The following ZC3H13 variants were observed in gnomAD, a reference collection of about 807,000 sequenced individuals.
ZC3H13 encodes the protein zinc finger CCCH-type containing 13, also known as zinc finger CCCH domain-containing protein 13.
In ZC3H13, 64 loss-of-function variants were observed where a neutral mutation model predicts 204.1. The ratio of observed to expected loss-of-function variants is 0.31; its 90% CI spans 0.26 to 0.39. The LOEUF (loss-of-function observed/expected upper bound fraction) is 0.39, where lower values mean the gene tolerates loss of function less well. ZC3H13 is among the 10% of genes least tolerant of loss of function. The pLI, the probability that ZC3H13 is intolerant of heterozygous loss-of-function variation, is 1.00. For missense variants in ZC3H13, 1,833 were observed against 2,082.7 expected, an observed-to-expected ratio of 0.88 and a Z score of 2.33; for synonymous variants, 667 against 693.7, an observed-to-expected ratio of 0.96 and a Z score of 0.60.
chr13:46,041,364 T>C (rs1226357404), intron 4 of ZC3H13, among the ~76,000 whole-genome samples: 1 of 152,140 alleles, frequency 6.6e-6, no homozygotes, highest in East Asian at 1.9e-4. Context: ...ATATGAAATA[T>C]ATAGGCAAAT....
chr13:46,002,983 T>C (rs1282186701), intron 8 of ZC3H13, among the ~76,000 whole-genome samples, 156 bp downstream of exon 8: 2 of 152,124 alleles, frequency 1.3e-5, no homozygotes, highest in Admixed American at 6.5e-5. Flanking sequence ...CCATGACTCA[T>C]AATAATAATT....
chr13:46,034,229 A>C (rs937403659), intron 4 of ZC3H13, among the ~76,000 whole-genome samples: 6 of 152,190 alleles, frequency 3.9e-5, no homozygotes, highest in Admixed American at 3.3e-4. Context: ...CACTTCAGAA[A>C]ACTGTTCAGC....
intron 12 of ZC3H13, among the ~76,000 whole-genome samples, chr13:45,974,597 A>G (rs1260897278): frequency 2.0e-5 from 3 of 152,194 alleles, no homozygotes; most frequent in African/African-American, 7.2e-5. Context: ...TCCACAGCAC[A>G]AGAGAAGACA....
At position 45,985,550 on chromosome 13, in the gene ZC3H13, G is replaced by A. The variant is rs764524512; in HGVS notation, c.1467C>T (p.Thr489=). Residue 489 remains threonine, a synonymous_variant, in exon 10 of 19, where the codon ACC becomes ACT. Coordinates refer to ENST00000679008, the MANE Select transcript of ZC3H13 (RefSeq NM_001330564.2). ...AATCTCTGGGATCACGGCTCTCTTT[G>A]GTATCTCTGCTATAATCTCTCATCT... ...SREMRDYSRD[T]KESRDPRDSR... is the part of the protein sequence containing the mutation. 1.5e-5 allele frequency: 25 copies of A among 1,614,020 alleles called. No individual in the cohort carries two copies. In the South Asian group the frequency reaches 2.7e-4, roughly 18 times the overall value.
At chr13:46,032,505 AAGAC>A (rs2042966786) in intron 4 of ZC3H13, among the ~76,000 whole-genome samples, 1 of 152,288 alleles carries the variant, frequency 6.6e-6, no homozygotes, top group East Asian at 1.9e-4. Context: ...AATTGGCAAA[AAGAC>A]AAGTTTGAAA....
At chr13:46,051,527 A>G (rs1206845679) in intron 1 of ZC3H13, among the ~76,000 whole-genome samples, 1 of 152,222 alleles carries the variant, frequency 6.6e-6, no homozygotes, top group Non-Finnish European at 1.5e-5. Context: ...GTAATTTCAA[A>G]TGTTACAGAA....
At chr13:46,017,706 T>C (rs1247046348) in intron 5 of ZC3H13, among the ~76,000 whole-genome samples, 1 of 152,108 alleles carries the variant, frequency 6.6e-6, no homozygotes, top group African/African-American at 2.4e-5. Flanking sequence ...AGAAAGTTTA[T>C]AAATATACCA....
intron 7 of ZC3H13, among the ~76,000 whole-genome samples, chr13:46,005,184 T>A (rs974921777): frequency 1.3e-5 from 2 of 152,208 alleles, no homozygotes; most frequent in Non-Finnish European, 2.9e-5. Context: ...TTTCACTAAA[T>A]CCAGGTATTT....
chr13:45,984,624 A>T (rs146627879), intron 10 of ZC3H13, among the ~76,000 whole-genome samples: 119 of 152,304 alleles, frequency 7.8e-4, no homozygotes, highest in Non-Finnish European at 1.3e-3. Context: ...ACAAATATGA[A>T]GCTGTAATAC....
chr13:46,014,378 G>A (rs1047339023), intron 5 of ZC3H13, among the ~76,000 whole-genome samples: 8 of 151,706 alleles, frequency 5.3e-5, no homozygotes, highest in Non-Finnish European at 8.8e-5. Context: ...AACAGGCCCT[G>A]GTGTGTGATG....
At chr13:45,999,522 G>T (rs1396758613) in intron 8 of ZC3H13, among the ~76,000 whole-genome samples, 1 of 152,186 alleles carries the variant, frequency 6.6e-6, no homozygotes, top group Non-Finnish European at 1.5e-5. Context: ...ATCTGAGATT[G>T]CAGCAATTCA....
chr13:45,992,656 T>TA (rs1021416846), intron 8 of ZC3H13, among the ~76,000 whole-genome samples: 4 of 152,340 alleles, frequency 2.6e-5, no homozygotes, highest in African/African-American at 9.6e-5. Context: ...ATGGCCCAGA[T>TA]ATCTGGCTAA....
At chr13:46,030,150 T>C (rs1334162975) in intron 4 of ZC3H13, among the ~76,000 whole-genome samples, 2 of 149,518 alleles carry the variant, frequency 1.3e-5, no homozygotes, top group Non-Finnish European at 3.0e-5. Flanking sequence ...TCAATAGCTA[T>C]AGGAAAAGCA....
At chr13:46,030,908 A>G (rs1490768566) in intron 4 of ZC3H13, among the ~76,000 whole-genome samples, 5 of 152,194 alleles carry the variant, frequency 3.3e-5, no homozygotes, top group Non-Finnish European at 7.4e-5. Context: ...TCCCCACCAA[A>G]AAACCCCAGC....
At chr13:46,043,880 A>G (rs545751819) in intron 3 of ZC3H13, among the ~76,000 whole-genome samples, 2 of 152,144 alleles carry the variant, frequency 1.3e-5, no homozygotes, top group East Asian at 1.9e-4. Context: ...AAAATGTATC[A>G]AAAGTATAGT....
At chr13:45,961,640 AT>A (rs933639574) in intron 17 of ZC3H13, among the ~76,000 whole-genome samples, 2 of 151,752 alleles carry the variant, frequency 1.3e-5, no homozygotes, top group African/African-American at 2.4e-5. Flanking sequence ...AAGACTTAGT[AT>A]TTGATAATAC....
chr13:46,010,587 A>G (rs2041483082), intron 6 of ZC3H13, 82 bp from the exon 7 acceptor site: 1 of 1,415,454 alleles, frequency 7.1e-7, no homozygotes, highest in African/African-American at 1.4e-5. Flanking sequence ...GAATCACACC[A>G]AACTTCAGAT....
At position 46,003,347 on chromosome 13, in the gene ZC3H13, C is replaced by G. The variant is rs765598351; in HGVS notation, c.747-11G>C. 3 of 1,601,512 alleles carry G rather than the reference C, an allele frequency of 1.9e-6. No individual in the cohort carries two copies. The highest frequency in any genetic ancestry group is 2.2e-5 in the East Asian group (1 of 44,738). ...TTGGTTTTTGAATTTCTGAAGGTAA[C>G]AAAAAGCTATCATTAGAGGTTCAAA... is the stretch of plus-strand genomic sequence containing the variant. On this transcript the variant is annotated splice_polypyrimidine_tract_variant and intron_variant, in intron 7 of 18. Coordinates refer to ENST00000679008, the MANE Select transcript of ZC3H13 (RefSeq NM_001330564.2).
chr13:45,997,493 A>C (rs2040425427), intron 8 of ZC3H13, among the ~76,000 whole-genome samples: 1 of 152,206 alleles, frequency 6.6e-6, no homozygotes, highest in African/African-American at 2.4e-5. Flanking sequence ...ATAACTCAAG[A>C]AACTTGTAGA....
Sources: allele counts gnomAD v4.1 joint callset (sites outside exome capture counted in the v4.1 genomes callset), GRCh38; gene constraint gnomAD v4.1.1; transcripts MANE v1.5; gene names NCBI Gene and HGNC (gene_info 2026-07-23, HGNC 2026-07-21).